Variants in ANKRD44 observed in about 807,000 individuals in gnomAD.
ANKRD44 encodes the protein serine/threonine-protein phosphatase 6 regulatory ankyrin repeat subunit B.
Under a neutral mutation model 116.0 loss-of-function variants are expected in ANKRD44, and 35 were observed. The observed-to-expected ratio is 0.30, with a 90% CI of 0.23 to 0.40. The LOEUF is 0.40. Ranked by LOEUF, ANKRD44 falls within the 10% of genes least tolerant of loss-of-function variation. The pLI, the probability that ANKRD44 is intolerant of heterozygous loss-of-function variation, is 1.00. For synonymous variants in ANKRD44, 435 were observed against 461.8 expected (o/e 0.94, Z 0.74); for missense variants, 1,014 against 1,242.6 (o/e 0.82, Z 2.77).
At chr2:197,069,223 C>G (rs908530251) in intron 16 of ANKRD44, among the ~76,000 whole-genome samples, 26 of 152,128 alleles carry the variant, frequency 1.7e-4, no homozygotes, top group Admixed American at 1.4e-3. Flanking sequence ...ACTGCATGTT[C>G]TCACTCATAG....
intron 1 of ANKRD44, among the ~76,000 whole-genome samples, chr2:197,213,685 A>G (rs186678035): frequency 6.6e-6 from 1 of 152,232 alleles, no homozygotes; most frequent in Non-Finnish European, 1.5e-5. Context: ...TTGGACCTGT[A>G]CACTGCTAAG....
intron 1 of ANKRD44, among the ~76,000 whole-genome samples, chr2:197,305,871 T>G (rs748720226): frequency 3.3e-5 from 5 of 151,442 alleles, no homozygotes; most frequent in Non-Finnish European, 5.9e-5. Flanking sequence ...ATGTCAAGAA[T>G]AGTTATCTCT....
chr2:197,048,805 T>C (rs1425376841), intron 16 of ANKRD44, among the ~76,000 whole-genome samples: 1 of 125,250 alleles, frequency 8.0e-6, no homozygotes, highest in Non-Finnish European at 1.8e-5. Flanking sequence ...CTCCCAACAG[T>C]GTAAAAGCGT....
chr2:197,052,257 A>C (rs1424980641), intron 16 of ANKRD44, among the ~76,000 whole-genome samples: 3 of 152,196 alleles, frequency 2.0e-5, no homozygotes, highest in Non-Finnish European at 4.4e-5. Flanking sequence ...AATGGAGAAT[A>C]AAATAGACAA....
chr2:197,250,750 C>T (rs1448469008), intron 1 of ANKRD44: 1 of 152,214 alleles, frequency 6.6e-6, no homozygotes, highest in Non-Finnish European at 1.5e-5. Context: ...CCAAGGTCTA[C>T]ACCCAGATAA....
intron 1 of ANKRD44, among the ~76,000 whole-genome samples, chr2:197,234,032 TTAAA>T (rs2081925252): frequency 6.6e-6 from 1 of 151,870 alleles, no homozygotes; most frequent in Non-Finnish European, 1.5e-5. Context: ...AACAAAAAAC[TTAAA>T]TAAATTTTTT....
intron 16 of ANKRD44, among the ~76,000 whole-genome samples, chr2:197,072,392 T>C (rs1365106461): frequency 3.3e-5 from 5 of 152,202 alleles, no homozygotes; most frequent in Admixed American, 6.5e-5. Context: ...TAGGTTTTTA[T>C]TGAAGAAGAA....
intron 1 of ANKRD44, among the ~76,000 whole-genome samples, chr2:197,306,968 T>C (rs1168887710): frequency 6.6e-6 from 1 of 152,128 alleles, no homozygotes; most frequent in Non-Finnish European, 1.5e-5. Flanking sequence ...GTGGACACTT[T>C]AAACATGCAA....
At chr2:197,127,144 A>G (rs780286145) in intron 4 of ANKRD44, among the ~76,000 whole-genome samples, 21 of 152,226 alleles carry the variant, frequency 1.4e-4, no homozygotes, top group Non-Finnish European at 1.9e-4. Flanking sequence ...GTCCAGGGCA[A>G]TGACCTGTCA....
intron 17 of ANKRD44, among the ~76,000 whole-genome samples, chr2:197,021,931 C>G (rs1382392955): frequency 6.6e-6 from 1 of 152,216 alleles, no homozygotes; most frequent in African/African-American, 2.4e-5. Context: ...GAAATCTTGA[C>G]AGCTAGAGCC....
chr2:197,204,049 T>A lies in ANKRD44; in HGVS notation c.28-16943A>T, dbSNP rs536787696. On this transcript the variant is annotated intron_variant, in intron 1 of 27. Transcript: ENST00000282272. ...AATAATGGCTGCACAACACTGTGAATGTACCTTTTAAAATGGTTAAAATGG... is the reference window on the plus strand; with the variant it reads ...AATAATGGCTGCACAACACTGTGAAAGTACCTTTTAAAATGGTTAAAATGG... 2.0e-5 allele frequency among the ~76,000 whole-genome samples: 3 copies of A among 152,330 alleles called. No homozygotes were observed. In the East Asian group the frequency reaches 5.8e-4, roughly 29 times the overall value.
intron 27 of ANKRD44, chr2:196,990,560 C>G: frequency 8.1e-7 from 1 of 1,230,218 alleles, no homozygotes; most frequent in Non-Finnish European, 1.0e-6. Flanking sequence ...AATTCCTTCT[C>G]TACTAGCTTC....
chr2:197,007,716 T>A, intron 20 of ANKRD44, 90 bp downstream of exon 20: 1 of 852,470 alleles, frequency 1.2e-6, no homozygotes, highest in Non-Finnish European at 1.9e-6. Flanking sequence ...AAAAATCCAA[T>A]CAAAGTAGGC....
chr2:197,083,606 G>A (rs1470109311), intron 13 of ANKRD44, 97 bp from the exon 14 acceptor site: 2 of 1,380,600 alleles, frequency 1.4e-6, no homozygotes, highest in Non-Finnish European at 2.0e-6. Context: ...GGCATGGAAA[G>A]CTCTTGGACT....
At chr2:197,015,373 G>GA (rs2076372561) in intron 17 of ANKRD44, 11 of 575,920 alleles carry the variant, frequency 1.9e-5, no homozygotes, top group South Asian at 5.0e-5. Context: ...AGGCAGATTG[G>GA]AAAAAAAGAG....
intron 16 of ANKRD44, among the ~76,000 whole-genome samples, chr2:197,059,469 T>G (rs962612366): frequency 1.4e-4 from 21 of 152,302 alleles, no homozygotes; most frequent in African/African-American, 5.1e-4. Context: ...AAATTCCTTC[T>G]GATCCAATGA....
chr2:196,988,831 A>G lies in ANKRD44; in HGVS notation c.*760T>C. On this transcript the variant is annotated 3_prime_UTR_variant, in exon 28 of 28. Transcript: ENST00000282272. ...TGCCCACACACTGCCATCATTTCTC[A>G]TCAGGTTACTGAGACTATGTGAGCT... The G allele has an allele frequency of 1.0e-6, 1 of 985,366 alleles. No individual in the cohort carries two copies. Among genetic ancestry groups the G allele is most frequent in the Non-Finnish European group, 1.2e-6 (1 of 829,928 alleles). The allele number at this position is 985,366 out of a possible 1,614,324, so 61.0% of individuals were successfully genotyped here.
At chr2:197,078,348 C>A in intron 16 of ANKRD44, 1 of 322,502 alleles carries the variant, frequency 3.1e-6, no homozygotes, top group Non-Finnish European at 6.0e-6. Context: ...TTGTGAGGAG[C>A]ATTTCTTATA....
At position 197,306,808 on chromosome 2, in the gene ANKRD44, T is replaced by C. The variant is rs1559238008; in HGVS notation, c.27+3770A>G. ...TTGGCAAGAAGGTAGGTGACTCAAG[T>C]GTGAACTAGGACTTGGCAAGGGAAC... On this transcript the variant is annotated intron_variant, in intron 1 of 27. Coordinates refer to ENST00000282272, the MANE Select transcript of ANKRD44 (RefSeq NM_001195144.2). 2.0e-5 allele frequency among the ~76,000 whole-genome samples: 3 copies of C among 152,222 alleles called. No individual in the cohort carries two copies. The Middle Eastern group carries it at 0.01, about 518-fold the overall frequency.
Sources: allele counts gnomAD v4.1 joint callset (sites outside exome capture counted in the v4.1 genomes callset), GRCh38; gene constraint gnomAD v4.1.1; transcripts MANE v1.5; gene names NCBI Gene and HGNC (gene_info 2026-07-23, HGNC 2026-07-21).